Variants in NBPF4 observed in about 807,000 individuals in gnomAD.
NBPF4 encodes NBPF member 4.
In NBPF4, 11 loss-of-function variants were observed where a neutral mutation model predicts 21.1. The ratio of observed to expected loss-of-function variants is 0.52; its 90% confidence interval spans 0.33 to 0.86. The LOEUF is 0.86. Ranked by LOEUF, NBPF4 falls within the 40% of genes least tolerant of loss-of-function variation. The pLI is 0.03. For missense variants in NBPF4, 88 were observed against 265.3 expected, an observed-to-expected ratio of 0.33 and a Z score of 4.64; for synonymous variants, 47 against 106.4, an observed-to-expected ratio of 0.44 and a Z score of 3.43.
chr1:108,245,040 TTGG>T (rs1649801662), upstream of NBPF4, among the ~76,000 whole-genome samples: 1 of 77,944 alleles, frequency 1.3e-5, no homozygotes, highest in African/African-American at 4.7e-5. Context: ...TCACGGGTGG[TTGG>T]TGATCCTCAG....
upstream of NBPF4, among the ~76,000 whole-genome samples, chr1:108,245,072 G>A (rs1649804139): frequency 2.5e-5 from 2 of 78,668 alleles, 1 homozygote; most frequent in Admixed American, 3.5e-4. Flanking sequence ...TGCAGTAGAA[G>A]GTGAGTTTGA....
chr1:108,228,997 A>G lies in NBPF4; in HGVS notation c.1583T>C (p.Leu528Ser). The G allele has an allele frequency of 6.5e-7, 1 of 1,545,054 alleles. No individual in the cohort carries two copies. The highest frequency in any genetic ancestry group is 8.8e-7 in the Non-Finnish European group (1 of 1,141,948). Residue 528 changes from leucine to serine, a missense_variant, in exon 13 of 15, where the codon TTG becomes TCG. Around this residue, in one of 4 missense-constraint regions of NBPF4, gnomAD observed 60 missense variants for 86.5 expected, o/e 0.69. Coordinates refer to ENST00000415641, the MANE Select transcript of NBPF4 (RefSeq NM_001143989.3). ...GGTGGAGGAAAGGCCCCGCTGGGCCAAGCCGTTCCCACAGTGGAACCCTTG... is the reference window on the plus strand; with the variant it reads ...GGTGGAGGAAAGGCCCCGCTGGGCCGAGCCGTTCCCACAGTGGAACCCTTG... ...LDQGFHCGNG[L>S]AQRGLSSTTC...
the NBPF4 span, among the ~76,000 whole-genome samples, chr1:108,257,609 A>C: frequency 7.0e-6 from 1 of 143,692 alleles, no homozygotes; most frequent in Non-Finnish European, 1.5e-5. Context: ...ATTTGTTAAA[A>C]GAAAATCCTC....
At chr1:108,248,016 G>A (rs1213715880), upstream of NBPF4, among the ~76,000 whole-genome samples, 1 of 151,890 alleles carries the variant, frequency 6.6e-6, no homozygotes, top group Non-Finnish European at 1.5e-5. Flanking sequence ...ACAAGGTCTT[G>A]CTGTGTTGCT....
At position 108,222,817 on chromosome 1, in the gene NBPF4, C is replaced by T. The variant is rs1649348764; in HGVS notation, c.*888G>A. On this transcript the variant is annotated 3_prime_UTR_variant, in exon 15 of 15. Coordinates refer to ENST00000415641, the MANE Select transcript of NBPF4 (RefSeq NM_001143989.3). ...ACAGGATATTTATACTATTTCAAAC[C>T]ACTTTCCAAATTACTTACAAATAAG... Among the ~76,000 whole-genome samples, 1 of 152,090 alleles carries T rather than the reference C, an allele frequency of 6.6e-6. No individual in the cohort carries two copies. The highest frequency in any genetic ancestry group is 6.5e-5 in the Admixed American group (1 of 15,282).
At chr1:108,258,548 G>A in the NBPF4 span, among the ~76,000 whole-genome samples, 45 of 140,614 alleles carry the variant, frequency 3.2e-4, 2 homozygotes, top group Admixed American at 3.1e-3. Flanking sequence ...GGGGGTGGGG[G>A]TCCTGCGTAT....
At chr1:108,268,927 C>CA in the NBPF4 span, among the ~76,000 whole-genome samples, 1 of 85,258 alleles carries the variant, frequency 1.2e-5, no homozygotes, top group Non-Finnish European at 2.3e-5. Context: ...CTCTGAGGGC[C>CA]ATTAATAGGG....
At chr1:108,256,435 TATTA>T in the NBPF4 span, among the ~76,000 whole-genome samples, 7 of 138,650 alleles carry the variant, frequency 5.0e-5, no homozygotes, top group Non-Finnish European at 1.1e-4. Flanking sequence ...TTAGGTTACT[TATTA>T]GAGACCTTCT....
upstream of NBPF4, among the ~76,000 whole-genome samples, chr1:108,248,075 CT>C (rs1400124084): frequency 6.6e-6 from 1 of 151,966 alleles, no homozygotes; most frequent in Non-Finnish European, 1.5e-5. Context: ...ATTGAAAAGT[CT>C]TTCATTTCCC....
Position 108,223,625 on chromosome 1 carries a change from G to C in NBPF4, c.*80C>G. On this transcript the variant is annotated 3_prime_UTR_variant, in exon 15 of 15. Transcript: ENST00000415641. ...CAATCCTCAGTGAAGGACCCCTGCAGTATTGTGTTTGGACTTAAACTTGCT... is the reference window on the plus strand; with the variant it reads ...CAATCCTCAGTGAAGGACCCCTGCACTATTGTGTTTGGACTTAAACTTGCT... The C allele has an allele frequency of 8.5e-7, 1 of 1,182,700 alleles. No homozygotes were observed. The allele number at this position is 1,182,700 out of a possible 1,614,324, so 73.3% of individuals were successfully genotyped here. A position where few individuals can be genotyped will look rare whatever the true frequency, so the allele number is the denominator to read the frequency against.
chr1:108,257,393 A>AT, the NBPF4 span, among the ~76,000 whole-genome samples: 1 of 150,616 alleles, frequency 6.6e-6, no homozygotes, highest in East Asian at 1.9e-4. Flanking sequence ...TATACAACAA[A>AT]TTATTGTTAA....
chr1:108,228,634 G>A (rs1468961742), intron 13 of NBPF4, among the ~76,000 whole-genome samples: 3 of 152,026 alleles, frequency 2.0e-5, no homozygotes, highest in African/African-American at 7.2e-5. Context: ...TATGATTGCA[G>A]GTAGATATTA....
chr1:108,224,379 C>T (rs1408855606), intron 14 of NBPF4, among the ~76,000 whole-genome samples: 4 of 92,258 alleles, frequency 4.3e-5, no homozygotes, highest in African/African-American at 1.3e-4. Flanking sequence ...TTGGAGAAAG[C>T]GAGAGGAAAG....
Position 108,223,660 on chromosome 1 carries a change from T to C in NBPF4, c.*45A>G. ...TGGACTTAAACTTGCTTTGCTGTTT[T>C]AGTTGTTTTTATCAAGTGGAAAAGC... On this transcript the variant is annotated 3_prime_UTR_variant, in exon 15 of 15. Transcript: ENST00000415641. 1.3e-6 allele frequency: 2 copies of C among 1,567,840 alleles called. No individual in the cohort carries two copies. Among genetic ancestry groups the C allele is most frequent in the East Asian group, 2.3e-5 (1 of 43,086 alleles).
chr1:108,268,409 AG>A, the NBPF4 span, among the ~76,000 whole-genome samples: 2 of 152,198 alleles, frequency 1.3e-5, no homozygotes, highest in Non-Finnish European at 2.9e-5. Context: ...TAAAAACTGG[AG>A]GGGATGTTAC....
rs1189911633 is a variant in NBPF4, at chr1:108,228,935, G to A, written c.1645C>T (p.Gln549Ter). ...SFSANADSGN[Q>*]WPFQELVLEP... is the part of the protein sequence containing the mutation. Reference sequence around the variant, plus strand: ...CCTTCCCTACCTTGGAAGGGCCATTGGTTCCCAGAATCAGCATTGGCTGAG... The same window carrying A: ...CCTTCCCTACCTTGGAAGGGCCATTAGTTCCCAGAATCAGCATTGGCTGAG... Residue 549 changes from glutamine (Q) to a stop codon, truncating the protein, a stop_gained, in exon 13 of 15, where the codon CAA becomes TAA. Transcript: ENST00000415641. LOFTEE classifies it high-confidence loss of function. The A allele has an allele frequency of 1.3e-6, 2 of 1,486,146 alleles. No homozygotes were observed. Among genetic ancestry groups the A allele is most frequent in the Non-Finnish European group, 1.8e-6 (2 of 1,090,964 alleles). The allele number at this position is 1,486,146 out of a possible 1,614,324, so 92.1% of individuals were successfully genotyped here. A position where few individuals can be genotyped will look rare whatever the true frequency, so the allele number is the denominator to read the frequency against.
intron 14 of NBPF4, 121 bp from the exon 15 acceptor site, chr1:108,223,867 G>A: frequency 1.8e-6 from 2 of 1,118,714 alleles, no homozygotes. Flanking sequence ...GGGAGGATGA[G>A]CTGAAGGGTG....
the NBPF4 span, among the ~76,000 whole-genome samples, chr1:108,256,334 TTTGGTTGAG>T: frequency 6.9e-6 from 1 of 144,722 alleles, no homozygotes; most frequent in African/African-American, 2.5e-5. Flanking sequence ...TTTTCTATTC[TTTGGTTGAG>T]TTGCTCCTGC....
chr1:108,256,273 AT>A, the NBPF4 span, among the ~76,000 whole-genome samples: 2 of 148,994 alleles, frequency 1.3e-5, no homozygotes, highest in African/African-American at 4.9e-5. Context: ...AAGTTTGTCA[AT>A]TTTGTTTATT....
Sources: allele counts gnomAD v4.1 joint callset (sites outside exome capture counted in the v4.1 genomes callset), GRCh38; gene constraint gnomAD v4.1.1; regional missense constraint gnomAD v4.1.1; transcripts MANE v1.5; gene names NCBI Gene and HGNC (gene_info 2026-07-23, HGNC 2026-07-21).